ARID1B: variants seen among roughly 807,000 people sequenced by gnomAD.
ARID1B encodes the protein AT-rich interaction domain 1B.
Under a neutral mutation model 212.3 loss-of-function variants are expected in ARID1B, and 30 were observed. The observed-to-expected ratio is 0.14, with a 90% CI of 0.11 to 0.19. ARID1B has a LOEUF of 0.19. ARID1B is among the 10% of genes least tolerant of loss of function. The pLI is 1.00. For synonymous variants in ARID1B, 1,402 were observed against 1,301.7 expected (o/e 1.08, Z -1.66); for missense variants, 2,891 against 3,204.0 (o/e 0.90, Z 2.36).
rs201025859 is a variant in ARID1B at position 157,165,232 on chromosome 6, AGGG to A, written c.3090-1806_3090-1804del. Among the ~76,000 whole-genome samples, 1,416 of 152,280 alleles carry A rather than the reference AGGG, an allele frequency of 9.3e-3. 21 individuals are homozygous for A. Among genetic ancestry groups the A allele is most frequent in the African/African-American group, 0.032 (1,338 of 41,538 alleles). On this transcript the variant is annotated intron_variant, in intron 8 of 19. Transcript: ENST00000636930. ...TCAGATCTGTTCTTAATGAACTCCAAGGGGTATTCTAATTCTGATTTAGCAGTC... is the reference window on the plus strand; with the variant it reads ...TCAGATCTGTTCTTAATGAACTCCAAGTATTCTAATTCTGATTTAGCAGTC...
intron 2 of ARID1B, among the ~76,000 whole-genome samples, chr6:156,839,408 A>G (rs1783736834): frequency 6.6e-6 from 1 of 152,150 alleles, no homozygotes; most frequent in East Asian, 1.9e-4. Context: ...GACCTTATCT[A>G]ATTAATTCCT....
chr6:156,892,162 T>C (rs1330572179), intron 2 of ARID1B, among the ~76,000 whole-genome samples: 2 of 151,698 alleles, frequency 1.3e-5, no homozygotes, highest in Admixed American at 6.6e-5. Flanking sequence ...CCTCCCAAAG[T>C]GACAGGCGTG....
At chr6:156,799,725 G>A (rs1780648524) in intron 1 of ARID1B, among the ~76,000 whole-genome samples, 1 of 152,080 alleles carries the variant, frequency 6.6e-6, no homozygotes, top group Admixed American at 6.6e-5. Context: ...TGATCTGCCC[G>A]CCTCAGACTC....
At chr6:156,979,803 A>C (rs1184670718) in intron 4 of ARID1B, among the ~76,000 whole-genome samples, 1 of 151,994 alleles carries the variant, frequency 6.6e-6, no homozygotes, top group Non-Finnish European at 1.5e-5. Context: ...TGATCCGCCC[A>C]CCTCGGCCTC....
chr6:157,128,296 T>C (rs1380548761), intron 6 of ARID1B, among the ~76,000 whole-genome samples: 1 of 152,224 alleles, frequency 6.6e-6, no homozygotes, highest in Non-Finnish European at 1.5e-5. Context: ...TTCTATTATG[T>C]GTCATGTACC....
At chr6:157,162,247 A>G (rs1790993673) in intron 8 of ARID1B, among the ~76,000 whole-genome samples, 1 of 152,254 alleles carries the variant, frequency 6.6e-6, no homozygotes, top group African/African-American at 2.4e-5. Flanking sequence ...AAAACCAGAT[A>G]TTTAGAAAGA....
chr6:157,156,965 G>A lies in ARID1B; in HGVS notation c.3089+8014G>A, dbSNP rs140678047. ...CGACCTGACCCTGACTCAGGCTCTG[G>A]AGATCTGTTGATCATGGCAGAGTGT... On this transcript the variant is annotated intron_variant, in intron 8 of 19. Transcript: ENST00000636930. 3.5e-3 allele frequency among the ~76,000 whole-genome samples: 526 copies of A among 152,296 alleles called. 8 individuals are homozygous for A. Among genetic ancestry groups the A allele is most frequent in the African/African-American group, 0.012 (501 of 41,544 alleles).
intron 1 of ARID1B, among the ~76,000 whole-genome samples, chr6:156,804,819 A>G (rs1295688741): frequency 6.7e-6 from 1 of 149,168 alleles, no homozygotes; most frequent in Non-Finnish European, 1.5e-5. Flanking sequence ...CAGGGGTCAT[A>G]GAAACCATTG....
chr6:157,167,208 C>T, intron 9 of ARID1B, 23 bp downstream of exon 9: 1 of 1,597,206 alleles, frequency 6.3e-7, no homozygotes, highest in Non-Finnish European at 8.5e-7. Flanking sequence ...GCTCTGCGCT[C>T]CTGAGCCCCT....
chr6:156,905,356 GTGGTAAGCCGA>G (rs1266656710), intron 3 of ARID1B, among the ~76,000 whole-genome samples: 2 of 152,080 alleles, frequency 1.3e-5, no homozygotes, highest in African/African-American at 4.8e-5. Context: ...GGGCTGGCAG[GTGGTAAGCCGA>G]TGGTCTGATG....
chr6:157,062,706 A>AT lies in ARID1B; in HGVS notation c.2248-21942dup, dbSNP rs200133481. 5.4e-3 allele frequency among the ~76,000 whole-genome samples: 740 copies of AT among 135,988 alleles called. 3 individuals are homozygous for AT. The highest frequency in any genetic ancestry group is 0.025 in the East Asian group (121 of 4,932). 89.2% of individuals were successfully genotyped at this position (135,988 alleles called of 152,430 possible). A position where few individuals can be genotyped will look rare whatever the true frequency, so the allele number is the denominator to read the frequency against. On this transcript the variant is annotated intron_variant, in intron 4 of 19. Transcript: ENST00000636930. ...TATGTTTTAAAATATATATATATAT[A>AT]TTTTTTTTTTTTTTGAGATGGAGTT...
intron 2 of ARID1B, among the ~76,000 whole-genome samples, chr6:156,829,909 G>T (rs1430839133): frequency 6.6e-6 from 1 of 151,330 alleles, no homozygotes; most frequent in Non-Finnish European, 1.5e-5. Context: ...TATTTCTTCT[G>T]TACCTTTTGA....
intron 3 of ARID1B, among the ~76,000 whole-genome samples, chr6:156,906,604 GATGTTTGTC>G: frequency 6.7e-6 from 1 of 149,096 alleles, no homozygotes; most frequent in South Asian, 2.1e-4. Flanking sequence ...AAGAAGCGGG[GATGTTTGTC>G]ATTTTTGTCA....
intron 6 of ARID1B, among the ~76,000 whole-genome samples, chr6:157,128,553 T>G (rs117812399): frequency 1.0e-3 from 156 of 152,294 alleles, no homozygotes; most frequent in Non-Finnish European, 1.1e-3. Context: ...TCATAACACT[T>G]CCTCTTACGG....
intron 15 of ARID1B, chr6:157,193,460 C>T (rs1793522664): frequency 6.6e-6 from 1 of 152,160 alleles, no homozygotes; most frequent in South Asian, 2.1e-4. Context: ...AATTATATCT[C>T]TCAGTTCTGT....
chr6:156,910,858 T>G (rs1312404326), intron 3 of ARID1B, among the ~76,000 whole-genome samples: 2 of 152,322 alleles, frequency 1.3e-5, no homozygotes, highest in East Asian at 3.9e-4. Flanking sequence ...TTTTCTAGTG[T>G]CTCCTTTATT....
At chr6:157,110,064 G>A (rs2128516678) in intron 5 of ARID1B, among the ~76,000 whole-genome samples, 1 of 152,294 alleles carries the variant, frequency 6.6e-6, no homozygotes, top group Non-Finnish European at 1.5e-5. Flanking sequence ...TTACTGTACT[G>A]ATTGGATATT....
rs1777808718 is a variant in ARID1B at position 156,984,585 on chromosome 6, G to C, written c.2247+49009G>C. ...CAGGAATCTACAAGTGCTGGGTGTGGGGTAGTGGGTGGGGTGCAGTTGTGG... is the reference window on the plus strand; with the variant it reads ...CAGGAATCTACAAGTGCTGGGTGTGCGGTAGTGGGTGGGGTGCAGTTGTGG... On this transcript the variant is annotated intron_variant, in intron 4 of 19. Transcript: ENST00000636930. 3.3e-5 allele frequency: 5 copies of C among 152,254 alleles called. No individual in the cohort carries two copies. In the South Asian group the frequency reaches 1.0e-3, roughly 32 times the overall value. The allele number at this position is 152,254 out of a possible 1,614,324, so 9.4% of individuals were successfully genotyped here.
intron 4 of ARID1B, among the ~76,000 whole-genome samples, chr6:157,064,871 T>C (rs985491131): frequency 1.3e-5 from 2 of 152,184 alleles, no homozygotes; most frequent in Non-Finnish European, 1.5e-5. Flanking sequence ...ACTACTCCCT[T>C]TCCTTCCTCT....
Sources: gnomAD v4.1 joint callset for allele counts (sites outside exome capture counted in the v4.1 genomes callset) on GRCh38, gnomAD v4.1.1 for gene constraint, MANE v1.5 for transcripts, NCBI Gene and HGNC (gene_info 2026-07-23, HGNC 2026-07-21) for gene names.